RBPMS: variants seen among roughly 807,000 people sequenced by gnomAD.
The protein encoded by RBPMS is RNA-binding protein with multiple splicing.
A neutral mutation model predicts 26.8 loss-of-function variants in RBPMS; 7 were observed. The ratio of observed to expected loss-of-function variants is 0.26; its 90% confidence interval spans 0.15 to 0.49. The LOEUF is 0.49. Among genes scored for constraint, RBPMS ranks in the 20% least tolerant of loss-of-function variants. RBPMS has a pLI of 0.98. For synonymous variants in RBPMS, 96 were observed against 93.3 expected (o/e 1.03, Z -0.17); for missense variants, 186 against 250.0 (o/e 0.74, Z 1.73).
At chr8:30,563,444 T>C (rs1406593280) in intron 7 of RBPMS, among the ~76,000 whole-genome samples, 1 of 152,190 alleles carries the variant, frequency 6.6e-6, no homozygotes, top group East Asian at 1.9e-4. Flanking sequence ...TTGATGGATA[T>C]TCAAAGAGTT....
At chr8:30,444,075 T>C (rs907425311) in intron 1 of RBPMS, among the ~76,000 whole-genome samples, 13 of 152,032 alleles carry the variant, frequency 8.6e-5, no homozygotes, top group African/African-American at 2.9e-4. Context: ...TTTTGTGTTT[T>C]TAGTAGAGCC....
chr8:30,542,068 C>G (rs866975106), intron 5 of RBPMS, among the ~76,000 whole-genome samples: 3 of 152,092 alleles, frequency 2.0e-5, no homozygotes, highest in Admixed American at 1.3e-4. Context: ...AGAAGGGAGA[C>G]GGAGATGATA....
chr8:30,516,914 A>ACACACACACACACC (rs1822379162), intron 5 of RBPMS, among the ~76,000 whole-genome samples: 1 of 151,628 alleles, frequency 6.6e-6, no homozygotes, highest in African/African-American at 2.4e-5. Context: ...ACACACACAC[A>ACACACACACACACC]CACACACAGA....
chr8:30,388,985 A>G (rs1488861834), intron 1 of RBPMS, among the ~76,000 whole-genome samples: 1 of 152,204 alleles, frequency 6.6e-6, no homozygotes, highest in South Asian at 2.1e-4. Flanking sequence ...TAAAGTGCTA[A>G]TTTTGCCAAA....
At chr8:30,391,664 C>T (rs1371300686) in intron 1 of RBPMS, among the ~76,000 whole-genome samples, 2 of 152,116 alleles carry the variant, frequency 1.3e-5, no homozygotes, top group Non-Finnish European at 2.9e-5. Context: ...ACTCACATCC[C>T]TAAAGTGTAC....
At chr8:30,510,738 C>G (rs991680234) in intron 5 of RBPMS, among the ~76,000 whole-genome samples, 2 of 152,134 alleles carry the variant, frequency 1.3e-5, no homozygotes, top group African/African-American at 4.8e-5. Flanking sequence ...TGCCACCACA[C>G]CCAGCTAAAT....
At chr8:30,493,313 G>A (rs1297232102) in intron 4 of RBPMS, among the ~76,000 whole-genome samples, 1 of 152,174 alleles carries the variant, frequency 6.6e-6, no homozygotes, top group African/African-American at 2.4e-5. Context: ...TTAGCAGGTA[G>A]CAGGAGAAAA....
intron 5 of RBPMS, among the ~76,000 whole-genome samples, chr8:30,527,668 C>T (rs1384948500): frequency 6.6e-6 from 1 of 152,036 alleles, no homozygotes; most frequent in East Asian, 1.9e-4. Context: ...CTGTGCTGGG[C>T]CTCAGCACAG....
intron 5 of RBPMS, among the ~76,000 whole-genome samples, chr8:30,516,159 T>G (rs1469616153): frequency 1.3e-5 from 2 of 152,136 alleles, no homozygotes; most frequent in Non-Finnish European, 2.9e-5. Context: ...GAGGGCGGAT[T>G]ACTTGAGGTC....
chr8:30,449,701 A>G (rs1814317083), intron 1 of RBPMS, among the ~76,000 whole-genome samples: 1 of 152,160 alleles, frequency 6.6e-6, no homozygotes, highest in African/African-American at 2.4e-5. Flanking sequence ...AGACAGAAGC[A>G]AGCACTGTCA....
chr8:30,488,580 A>G (rs973500384), intron 4 of RBPMS, among the ~76,000 whole-genome samples: 6 of 152,328 alleles, frequency 3.9e-5, no homozygotes, highest in African/African-American at 1.4e-4. Flanking sequence ...TTTTAGGCTT[A>G]GGGATGACCC....
chr8:30,469,970 C>G (rs1242050344), intron 1 of RBPMS, among the ~76,000 whole-genome samples: 1 of 152,192 alleles, frequency 6.6e-6, no homozygotes, highest in Non-Finnish European at 1.5e-5. Flanking sequence ...AGGCAAGGAT[C>G]ATGTCTATGA....
chr8:30,544,820 A>T, intron 6 of RBPMS, 196 bp downstream of exon 6: 1 of 1,545,212 alleles, frequency 6.5e-7, no homozygotes. Flanking sequence ...GATATCACCC[A>T]CTGCCTGATG....
intron 6 of RBPMS, among the ~76,000 whole-genome samples, chr8:30,551,800 C>G (rs796605397): frequency 6.6e-6 from 1 of 152,170 alleles, no homozygotes; most frequent in African/African-American, 2.4e-5. Context: ...ACAGTTTCTA[C>G]CCACTCTGCT....
rs1420301814 is a variant in RBPMS at position 30,571,649 on chromosome 8, C to G, written c.*1124C>G. ...CCAAACCGACCACATACCATGAGCT[C>G]CCAAATGGCGTGTGCTCACTGTGAG... On this transcript the variant is annotated 3_prime_UTR_variant, in exon 9 of 9. Coordinates refer to ENST00000397323, the MANE Select transcript of RBPMS (RefSeq NM_001008710.3). 1 of 152,278 alleles carries G rather than the reference C, an allele frequency of 6.6e-6. No homozygotes were observed. The highest frequency in any genetic ancestry group is 1.5e-5 in the Non-Finnish European group (1 of 68,062). The allele number at this position is 152,278 out of a possible 1,614,324, so 9.4% of individuals were successfully genotyped here.
intron 1 of RBPMS, 69 bp from the exon 2 acceptor site, chr8:30,474,710 G>C (rs1391677759): frequency 3.6e-6 from 3 of 838,948 alleles, no homozygotes; most frequent in Non-Finnish European, 6.1e-6. Flanking sequence ...ATGTTTCTGA[G>C]ATATCAGGTG....
chr8:30,457,800 ACTCCTGAC>A (rs1208059187), intron 1 of RBPMS, among the ~76,000 whole-genome samples: 1 of 151,676 alleles, frequency 6.6e-6, no homozygotes, highest in African/African-American at 2.4e-5. Context: ...CTGGTCTCAA[ACTCCTGAC>A]CTCGTGATCT....
At chr8:30,550,204 G>C (rs1006416727) in intron 6 of RBPMS, among the ~76,000 whole-genome samples, 109 of 152,070 alleles carry the variant, frequency 7.2e-4, no homozygotes, top group African/African-American at 2.6e-3. Context: ...GGAGAGCTCT[G>C]CGGGGCTTCA....
intron 5 of RBPMS, among the ~76,000 whole-genome samples, chr8:30,533,497 C>T (rs1268750341): frequency 6.6e-6 from 1 of 152,180 alleles, no homozygotes; most frequent in Admixed American, 6.5e-5. Flanking sequence ...AGAGACGGTT[C>T]TGGGTCCATG....
Sources: gnomAD v4.1 joint callset for allele counts (sites outside exome capture counted in the v4.1 genomes callset) on GRCh38, gnomAD v4.1.1 for gene constraint, MANE v1.5 for transcripts, NCBI Gene and HGNC (gene_info 2026-07-23, HGNC 2026-07-21) for gene names.